The following MACROD2 variants were observed in gnomAD, a reference collection of about 807,000 sequenced individuals.
MACROD2 encodes the protein mono-ADP ribosylhydrolase 2.
A neutral mutation model predicts 70.4 loss-of-function variants in MACROD2; 36 were observed. The observed-to-expected ratio is 0.51, with a 90% CI of 0.39 to 0.68. The LOEUF (loss-of-function observed/expected upper bound fraction) is 0.68, where lower values mean the gene tolerates loss of function less well. Among genes scored for constraint, MACROD2 ranks in the 30% least tolerant of loss-of-function variants. The pLI, the probability that MACROD2 is intolerant of heterozygous loss-of-function variation, is 0.00. For synonymous variants in MACROD2, 172 were observed against 178.8 expected, an observed-to-expected ratio of 0.96 and a Z score of 0.30; for missense variants, 496 against 538.4, an observed-to-expected ratio of 0.92 and a Z score of 0.78.
chr20:14,765,771 G>C (rs938572957), intron 5 of MACROD2, among the ~76,000 whole-genome samples: 2 of 152,066 alleles, frequency 1.3e-5, no homozygotes, highest in Non-Finnish European at 1.5e-5. Context: ...GGAAGTCTGA[G>C]TCCACATGAA....
At chr20:15,056,997 G>A (rs968025669) in intron 5 of MACROD2, among the ~76,000 whole-genome samples, 4 of 152,154 alleles carry the variant, frequency 2.6e-5, no homozygotes, top group Admixed American at 1.3e-4. Flanking sequence ...TGACCAACCC[G>A]AAACAGAAGC....
intron 5 of MACROD2, among the ~76,000 whole-genome samples, chr20:15,138,891 G>C (rs140565998): frequency 6.6e-6 from 1 of 152,056 alleles, no homozygotes; most frequent in Non-Finnish European, 1.5e-5. Flanking sequence ...TTGTTTATTC[G>C]CATTTACTTA....
intron 6 of MACROD2, among the ~76,000 whole-genome samples, chr20:15,329,890 G>A (rs1328110943): frequency 1.3e-5 from 2 of 152,070 alleles, no homozygotes; most frequent in African/African-American, 2.4e-5. Context: ...AGACACAGAG[G>A]AGGGTCACTC....
chr20:14,714,523 A>G (rs919474629), intron 5 of MACROD2, among the ~76,000 whole-genome samples: 3 of 152,166 alleles, frequency 2.0e-5, no homozygotes, highest in African/African-American at 4.8e-5. Flanking sequence ...ATCCCTCAAC[A>G]TGACCTACAA....
At chr20:14,872,990 A>G (rs1457297349) in intron 5 of MACROD2, among the ~76,000 whole-genome samples, 3 of 152,128 alleles carry the variant, frequency 2.0e-5, no homozygotes, top group East Asian at 3.9e-4. Context: ...TCATGAGAAC[A>G]GCATAGGGGA....
rs576110848 is a variant in MACROD2 at position 15,854,411 on chromosome 20, C to T, written c.646-8334C>T. Among the ~76,000 whole-genome samples the T allele has an allele frequency of 1.2e-4, 19 of 152,228 alleles. No homozygotes were observed. The South Asian group carries it at 3.5e-3, about 28-fold the overall frequency. On this transcript the variant is annotated intron_variant, in intron 8 of 17. Transcript: ENST00000684519. ...CAGGAAAATGGTGACCTCAGTCCTG[C>T]AACTGCAAGGGATCAAATTCTGCCA...
At chr20:15,110,695 G>A (rs2075947587) in intron 5 of MACROD2, among the ~76,000 whole-genome samples, 1 of 152,146 alleles carries the variant, frequency 6.6e-6, no homozygotes, top group Non-Finnish European at 1.5e-5. Context: ...CATAACATGT[G>A]GCCAGATTCT....
chr20:14,615,910 C>CA (rs1983452343), intron 4 of MACROD2, among the ~76,000 whole-genome samples: 1 of 151,086 alleles, frequency 6.6e-6, no homozygotes, highest in Non-Finnish European at 1.5e-5. Context: ...TGACAGCAGA[C>CA]AAAATGTTTC....
intron 2 of MACROD2, among the ~76,000 whole-genome samples, chr20:14,041,155 G>A (rs2148640039): frequency 6.6e-6 from 1 of 152,232 alleles, no homozygotes; most frequent in East Asian, 1.9e-4. Context: ...TTTTTATAAT[G>A]TAGCTAATTA....
At position 14,377,739 on chromosome 20, in the gene MACROD2, C is replaced by A. The variant is rs528932688; in HGVS notation, c.272-115740C>A. On this transcript the variant is annotated intron_variant, in intron 3 of 17. Transcript: ENST00000684519. ...TAATTCACATTTGTATAGCCCTTAG[C>A]ATGTTCTCTTATACTTACAGACTTT... is the stretch of plus-strand genomic sequence containing the variant. Among the ~76,000 whole-genome samples the A allele has an allele frequency of 6.8e-4, 103 of 152,326 alleles. 4 individuals carry two copies. In the South Asian group the frequency reaches 0.021, roughly 31 times the overall value.
intron 5 of MACROD2, among the ~76,000 whole-genome samples, chr20:14,908,887 G>T (rs1366419534): frequency 6.6e-6 from 1 of 152,186 alleles, no homozygotes; most frequent in Non-Finnish European, 1.5e-5. Context: ...AGAGTTAAAT[G>T]TGTAAATGGT....
intron 5 of MACROD2, among the ~76,000 whole-genome samples, chr20:15,040,858 A>G (rs892040552): frequency 1.3e-5 from 2 of 152,154 alleles, no homozygotes; most frequent in Non-Finnish European, 2.9e-5. Flanking sequence ...ATTCTCATTC[A>G]ATTATGAGGG....
intron 6 of MACROD2, among the ~76,000 whole-genome samples, chr20:15,246,935 A>G (rs941263317): frequency 3.9e-5 from 6 of 152,352 alleles, no homozygotes; most frequent in African/African-American, 7.2e-5. Flanking sequence ...TGTTATGCCA[A>G]CTGAAATAAA....
At chr20:15,498,014 C>G (rs1375756056) in intron 7 of MACROD2, among the ~76,000 whole-genome samples, 3 of 152,150 alleles carry the variant, frequency 2.0e-5, no homozygotes, top group African/African-American at 7.2e-5. Flanking sequence ...TTGGTGCATT[C>G]ATTTAAAGAA....
intron 5 of MACROD2, among the ~76,000 whole-genome samples, chr20:14,870,524 C>T (rs918811526): frequency 9.2e-5 from 14 of 152,120 alleles, no homozygotes; most frequent in African/African-American, 3.4e-4. Context: ...CCCACTCTGT[C>T]TTCCACAGTG....
chr20:15,573,711 G>A (rs2048406549), intron 8 of MACROD2, among the ~76,000 whole-genome samples: 1 of 152,002 alleles, frequency 6.6e-6, no homozygotes, highest in Admixed American at 6.6e-5. Context: ...CCCCTTGTGA[G>A]CCTCCCCCTT....
chr20:15,911,290 A>C (rs947017396), intron 10 of MACROD2, among the ~76,000 whole-genome samples: 4 of 152,238 alleles, frequency 2.6e-5, no homozygotes, highest in African/African-American at 4.8e-5. Context: ...AAGTATCAAC[A>C]GGGAAAATAG....
chr20:14,580,075 G>A (rs1483511075), intron 4 of MACROD2, among the ~76,000 whole-genome samples: 1 of 152,128 alleles, frequency 6.6e-6, no homozygotes, highest in Non-Finnish European at 1.5e-5. Context: ...ATGCTAAGTA[G>A]AATTTTTCAA....
rs114730026 is a variant in MACROD2 at position 15,739,553 on chromosome 20, T to C, written c.646-123192T>C. Among the ~76,000 whole-genome samples, 826 of 152,082 alleles carry C rather than the reference T, an allele frequency of 5.4e-3. 6 individuals are homozygous for C. The highest frequency in any genetic ancestry group is 0.019 in the African/African-American group (794 of 41,488). On this transcript the variant is annotated intron_variant, in intron 8 of 17. Transcript: ENST00000684519. ...TGTAGAGCAAAAGATACAGAAGTAT[T>C]AGATAAGTTAGGAGCACACATTACC...
Sources: allele counts gnomAD v4.1 joint callset (sites outside exome capture counted in the v4.1 genomes callset), GRCh38; gene constraint gnomAD v4.1.1; transcripts MANE v1.5; gene names NCBI Gene and HGNC (gene_info 2026-07-23, HGNC 2026-07-21).